The following TOX variants were observed in gnomAD, a reference collection of about 807,000 sequenced individuals.
The protein encoded by TOX is thymocyte selection-associated high mobility group box protein TOX.
Under a neutral mutation model 53.7 loss-of-function variants are expected in TOX, and 11 were observed. The observed-to-expected ratio is 0.20, with a 90% CI of 0.13 to 0.34. The LOEUF is 0.34. Among genes scored for constraint, TOX ranks in the 10% least tolerant of loss-of-function variants. TOX has a pLI of 1.00. For missense variants in TOX, 570 were observed against 664.6 expected (o/e 0.86, Z 1.56); for synonymous variants, 225 against 245.3 (o/e 0.92, Z 0.77).
At chr8:58,998,530 T>A (rs1418216438) in intron 1 of TOX, among the ~76,000 whole-genome samples, 1,402 of 43,842 alleles carry the variant, frequency 0.032, 33 homozygotes, top group South Asian at 0.06. Context: ...TATATATATA[T>A]ATATATATAA....
rs570311794 is a variant in TOX at position 58,887,456 on chromosome 8, C to T, written c.412-35651G>A. Among the ~76,000 whole-genome samples the T allele has an allele frequency of 3.4e-3, 518 of 151,930 alleles. 2 individuals are homozygous for T. Among genetic ancestry groups the T allele is most frequent in the African/African-American group, 0.012 (500 of 41,546 alleles). On this transcript the variant is annotated intron_variant, in intron 3 of 8. Transcript: ENST00000361421. ...TTATTGGGGAGAGGGACAACTTTCA[C>T]AACTTTTTCATTTTCTTTCTATCTT... is the stretch of plus-strand genomic sequence containing the variant.
chr8:59,026,965 T>C (rs574287806), intron 1 of TOX, among the ~76,000 whole-genome samples: 2 of 148,124 alleles, frequency 1.4e-5, no homozygotes, highest in Non-Finnish European at 3.0e-5. Flanking sequence ...AGGGAAGCAA[T>C]GGAGAAGGGG....
chr8:58,990,535 C>G (rs887048163), intron 1 of TOX, among the ~76,000 whole-genome samples: 1 of 151,796 alleles, frequency 6.6e-6, no homozygotes, highest in Non-Finnish European at 1.5e-5. Context: ...CTCTGTTTTC[C>G]CAACAAGGTT....
chr8:58,976,622 C>A (rs1163611207), intron 1 of TOX, among the ~76,000 whole-genome samples: 1 of 152,186 alleles, frequency 6.6e-6, no homozygotes, highest in African/African-American at 2.4e-5. Context: ...TTACCTTTCC[C>A]AGGTCCATCA....
At chr8:58,972,642 A>G (rs1274032680) in intron 1 of TOX, among the ~76,000 whole-genome samples, 1 of 152,186 alleles carries the variant, frequency 6.6e-6, no homozygotes, top group African/African-American at 2.4e-5. Flanking sequence ...TAGTTCAACA[A>G]TTACATAACC....
intron 3 of TOX, among the ~76,000 whole-genome samples, chr8:58,880,949 C>G (rs1409339645): frequency 6.6e-6 from 1 of 151,914 alleles, no homozygotes. Context: ...AACACATCAC[C>G]AATTAATTTA....
chr8:58,818,362 G>T (rs1382839432), intron 6 of TOX, among the ~76,000 whole-genome samples: 1 of 152,100 alleles, frequency 6.6e-6, no homozygotes, highest in Non-Finnish European at 1.5e-5. Flanking sequence ...AGAATTTGGG[G>T]AAGTTATATA....
intron 1 of TOX, among the ~76,000 whole-genome samples, chr8:58,989,251 GGTGGCAGGGA>G (rs1813394633): frequency 6.6e-6 from 1 of 152,084 alleles, no homozygotes; most frequent in African/African-American, 2.4e-5. Context: ...ATGAGGTGGA[GGTGGCAGGGA>G]GCCGAGATCA....
chr8:59,062,812 G>C (rs981195675), intron 1 of TOX, among the ~76,000 whole-genome samples: 1 of 152,114 alleles, frequency 6.6e-6, no homozygotes, highest in African/African-American at 2.4e-5. Flanking sequence ...GTGTGACAGA[G>C]AGAAAGAGAG....
rs1433125734 is a variant in TOX at position 58,835,277 on chromosome 8, A to G, written c.924+2804T>C. Among the ~76,000 whole-genome samples, 5 of 152,220 alleles carry G rather than the reference A, an allele frequency of 3.3e-5. No individual in the cohort carries two copies. The East Asian group carries it at 7.7e-4, about 23-fold the overall frequency. On this transcript the variant is annotated intron_variant, in intron 5 of 8. Transcript: ENST00000361421. The stretch of plus-strand genomic sequence containing the variant: ...TATGAAACCTACAAAAGAGAAACAT[A>G]CAAAAGAGAAAGAGAAAAATATTTG...
intron 1 of TOX, among the ~76,000 whole-genome samples, chr8:59,059,165 G>A (rs190607661): frequency 6.6e-6 from 1 of 152,328 alleles, no homozygotes; most frequent in Non-Finnish European, 1.5e-5. Flanking sequence ...AGTGAAGTAA[G>A]AGCCAATTTG....
At chr8:58,813,735 C>T (rs1008071433) in intron 7 of TOX, among the ~76,000 whole-genome samples, 8 of 152,194 alleles carry the variant, frequency 5.3e-5, no homozygotes, top group Admixed American at 2.0e-4. Flanking sequence ...ATAGCTTTAA[C>T]AGTATCTTTG....
chr8:58,890,043 A>T (rs1811534309), intron 3 of TOX, among the ~76,000 whole-genome samples: 1 of 152,206 alleles, frequency 6.6e-6, no homozygotes, highest in African/African-American at 2.4e-5. Flanking sequence ...TTTGGTGGGA[A>T]ATCAGAAAAG....
intron 3 of TOX, among the ~76,000 whole-genome samples, chr8:58,905,114 G>T (rs1270786697): frequency 6.6e-6 from 1 of 152,130 alleles, no homozygotes; most frequent in Non-Finnish European, 1.5e-5. Context: ...GGTATTTTTA[G>T]TAGAGACGGG....
intron 1 of TOX, among the ~76,000 whole-genome samples, chr8:59,065,237 A>C (rs72651384): frequency 0.13 from 19,448 of 152,176 alleles, 1,700 homozygotes; most frequent in Non-Finnish European, 0.18. Flanking sequence ...ACAACAACAA[A>C]AAAACCATTT....
chr8:59,091,233 T>C (rs1200210790), intron 1 of TOX, among the ~76,000 whole-genome samples: 1 of 152,158 alleles, frequency 6.6e-6, no homozygotes, highest in Non-Finnish European at 1.5e-5. Context: ...CTATTCAAAC[T>C]ACCTTCACCA....
intron 1 of TOX, among the ~76,000 whole-genome samples, chr8:59,084,434 T>A (rs1804473006): frequency 1.3e-5 from 2 of 152,168 alleles, no homozygotes; most frequent in Admixed American, 1.3e-4. Flanking sequence ...CACTCTCTGG[T>A]AAAATAAAAA....
At position 58,851,773 on chromosome 8, in the gene TOX, C is replaced by G. The variant is rs1337083498; in HGVS notation, c.444G>C (p.Gln148His). ...CTGCCATCTGAGGATGGGAACTGTA[C>G]TGAGTTCCTTCTGGGTTTCGTATAT... is the stretch of plus-strand genomic sequence containing the variant. ...MPDIRNPEGT[Q>H]YSSHPQMAAM... The change falls in exon 4 of 9, where the codon CAG becomes CAC. Residue 148 changes from glutamine to histidine, a missense_variant. Physicochemically the swap from Gln to His is conservative, Grantham distance 24. Transcript: ENST00000361421. The surrounding 1 kb of genome is among the most constrained non-coding windows in gnomAD (Gnocchi z 4.4). 2.5e-6 allele frequency: 4 copies of G among 1,602,370 alleles called. No individual in the cohort carries two copies. The highest frequency in any genetic ancestry group is 3.4e-6 in the Non-Finnish European group (4 of 1,173,284).
chr8:59,023,125 A>G (rs978653921), intron 1 of TOX, among the ~76,000 whole-genome samples: 5 of 152,176 alleles, frequency 3.3e-5, no homozygotes, highest in African/African-American at 1.2e-4. Context: ...TGCTTTGAGG[A>G]CCAATCTCGC....
Sources: gnomAD v4.1 joint callset for allele counts (sites outside exome capture counted in the v4.1 genomes callset) on GRCh38, gnomAD v4.1.1 for gene constraint, Gnocchi (gnomAD v3.1) non-coding constraint, MANE v1.5 for transcripts, NCBI Gene and HGNC (gene_info 2026-07-23, HGNC 2026-07-21) for gene names.